The following CXADR variants were observed in gnomAD, a reference collection of about 807,000 sequenced individuals.
CXADR encodes CXADR cell adhesion molecule, also known as coxsackievirus and adenovirus receptor.
CXADR carries 20 observed loss-of-function variants against 40.3 expected under a neutral mutation model. The observed-to-expected ratio is 0.50, with a 90% CI of 0.35 to 0.72. The LOEUF (loss-of-function observed/expected upper bound fraction) is 0.72. Ranked by LOEUF, CXADR falls within the 30% of genes least tolerant of loss-of-function variation. The pLI is 0.01. For missense variants in CXADR, 332 were observed against 449.1 expected, an observed-to-expected ratio of 0.74 and a Z score of 2.36; for synonymous variants, 150 against 161.3, an observed-to-expected ratio of 0.93 and a Z score of 0.53.
chr21:17,536,214 A>G (rs558830362), intron 1 of CXADR, among the ~76,000 whole-genome samples: 16 of 152,326 alleles, frequency 1.1e-4, no homozygotes, highest in Non-Finnish European at 1.5e-5. Flanking sequence ...AGTATCCACA[A>G]TAAAAGTTTT....
intron 6 of CXADR, among the ~76,000 whole-genome samples, chr21:17,562,270 T>C (rs1481602166): frequency 6.6e-6 from 1 of 152,218 alleles, no homozygotes; most frequent in Non-Finnish European, 1.5e-5. Flanking sequence ...GGATGGTAGT[T>C]GCTGAAGGTT....
At chr21:17,516,599 C>T (rs1407582230) in intron 1 of CXADR, among the ~76,000 whole-genome samples, 1 of 152,140 alleles carries the variant, frequency 6.6e-6, no homozygotes, top group Admixed American at 6.5e-5. Context: ...GGTCTCCCAA[C>T]CTCTTGTTAG....
chr21:17,519,109 C>G, intron 1 of CXADR: 1 of 777,338 alleles, frequency 1.3e-6, no homozygotes. Flanking sequence ...ATACCACCAT[C>G]AGAGGAAAAA....
chr21:17,622,377 T>G, the CXADR span, among the ~76,000 whole-genome samples: 1 of 152,190 alleles, frequency 6.6e-6, no homozygotes, highest in South Asian at 2.1e-4. Context: ...GATGTGCTTA[T>G]AAAAGTTGCT....
chr21:17,580,932 G>T (rs1319505976), intron 7 of CXADR, among the ~76,000 whole-genome samples: 1 of 152,038 alleles, frequency 6.6e-6, no homozygotes, highest in Admixed American at 6.6e-5. Context: ...TAATTCTTTT[G>T]TAGGGAGGAG....
downstream of CXADR, chr21:17,570,197 T>C (rs2061266238): frequency 2.0e-6 from 2 of 984,624 alleles, no homozygotes; most frequent in Non-Finnish European, 2.4e-6. Context: ...CATGGTTTCC[T>C]TCCCCCCGTG....
At chr21:17,536,270 T>A (rs1371780944) in intron 1 of CXADR, among the ~76,000 whole-genome samples, 1 of 152,234 alleles carries the variant, frequency 6.6e-6, no homozygotes, top group Non-Finnish European at 1.5e-5. Flanking sequence ...TAAAGTAGCA[T>A]CAGTGTTCAT....
intron 7 of CXADR, among the ~76,000 whole-genome samples, chr21:17,586,494 T>A (rs1418017882): frequency 6.6e-6 from 1 of 150,386 alleles, no homozygotes; most frequent in East Asian, 1.9e-4. Flanking sequence ...AAAGATGGGG[T>A]CTCACTTTGT....
the CXADR span, among the ~76,000 whole-genome samples, chr21:17,602,736 T>C: frequency 1.3e-5 from 2 of 152,172 alleles, no homozygotes; most frequent in African/African-American, 4.8e-5. Flanking sequence ...AAGTAGCAGT[T>C]TTTTCCTACC....
intron 1 of CXADR, among the ~76,000 whole-genome samples, chr21:17,539,492 TCTC>T (rs2060800422): frequency 6.6e-6 from 1 of 152,196 alleles, no homozygotes; most frequent in East Asian, 1.9e-4. Context: ...ACTTCCCTCT[TCTC>T]CTTCCACATT....
At chr21:17,557,629 A>G (rs1448320192) in intron 3 of CXADR, among the ~76,000 whole-genome samples, 1 of 152,262 alleles carries the variant, frequency 6.6e-6, no homozygotes, top group Non-Finnish European at 1.5e-5. Context: ...AACTTGTGTT[A>G]TAGTCCATTG....
chr21:17,580,580 G>A (rs899257447), intron 7 of CXADR, among the ~76,000 whole-genome samples: 2 of 152,018 alleles, frequency 1.3e-5, no homozygotes, highest in Non-Finnish European at 2.9e-5. Context: ...ACTGAACTCC[G>A]GCCTGGGTGA....
chr21:17,573,040 G>C (rs1358038501), downstream of CXADR, among the ~76,000 whole-genome samples: 1 of 152,120 alleles, frequency 6.6e-6, no homozygotes, highest in Non-Finnish European at 1.5e-5. Flanking sequence ...TTCTGGAGGT[G>C]GAAGTCCAAA....
intron 1 of CXADR, among the ~76,000 whole-genome samples, chr21:17,522,164 T>C (rs542279477): frequency 1.3e-5 from 2 of 152,002 alleles, no homozygotes; most frequent in African/African-American, 2.4e-5. Context: ...CTTTTTTTTT[T>C]GGAGACGGAG....
At chr21:17,587,175 T>C (rs950822624) in intron 7 of CXADR, among the ~76,000 whole-genome samples, 1 of 152,202 alleles carries the variant, frequency 6.6e-6, no homozygotes, top group African/African-American at 2.4e-5. Context: ...TCTTTGCTAT[T>C]GTGAATAGTG....
At chr21:17,575,978 C>T (rs915630974) in intron 7 of CXADR, among the ~76,000 whole-genome samples, 4 of 149,580 alleles carry the variant, frequency 2.7e-5, no homozygotes, top group Non-Finnish European at 5.9e-5. Context: ...GTCCCAGCTA[C>T]TTGGGAGGCT....
In CXADR at chr21:17,567,056, T is replaced by C; in HGVS notation, c.*1364T>C. The C allele has an allele frequency of 1.0e-6, 1 of 983,992 alleles. No homozygotes were observed. Among genetic ancestry groups the C allele is most frequent in the East Asian group, 1.1e-4 (1 of 8,808 alleles). The allele number at this position is 983,992 out of a possible 1,614,324, so 61.0% of individuals were successfully genotyped here. On this transcript the variant is annotated 3_prime_UTR_variant, in exon 7 of 7. Coordinates refer to ENST00000284878, the MANE Select transcript of CXADR (RefSeq NM_001338.5). ...ATTTTAGGAGAAGAAAGTGGGTTTA[T>C]TGTATTTCCCTTAAGATTGTGAGGG...
At chr21:17,628,792 C>T in the CXADR span, among the ~76,000 whole-genome samples, 2 of 152,022 alleles carry the variant, frequency 1.3e-5, no homozygotes, top group East Asian at 1.9e-4. Flanking sequence ...CGTGAGCCAC[C>T]GTGCCCGGCC....
chr21:17,541,120 T>G (rs188286032), intron 1 of CXADR, among the ~76,000 whole-genome samples: 4 of 152,222 alleles, frequency 2.6e-5, no homozygotes, highest in African/African-American at 9.6e-5. Flanking sequence ...TGAACCCGTA[T>G]TGACATAACA....
Sources: gnomAD v4.1 joint callset for allele counts (sites outside exome capture counted in the v4.1 genomes callset) on GRCh38, gnomAD v4.1.1 for gene constraint, MANE v1.5 for transcripts, NCBI Gene and HGNC (gene_info 2026-07-23, HGNC 2026-07-21) for gene names.